Variants in COL4A6 observed in about 807,000 individuals in gnomAD.
COL4A6 encodes the protein collagen type IV alpha 6 chain, also known as collagen alpha-6(IV) chain.
Under a neutral mutation model 126.7 loss-of-function variants are expected in COL4A6, and 59 were observed. That is an observed-to-expected ratio of 0.47 (90% CI 0.38 to 0.58). The LOEUF is 0.58. Among genes scored for constraint, COL4A6 ranks in the 20% least tolerant of loss-of-function variants. The probability of loss-of-function intolerance (pLI) is 0.00; values close to 1 mark genes in which losing one functional copy is unlikely to be tolerated. For synonymous variants in COL4A6, 547 were observed against 496.6 expected, an observed-to-expected ratio of 1.10 and a Z score of -1.35; for missense variants, 1,285 against 1,337.3, an observed-to-expected ratio of 0.96 and a Z score of 0.61.
intron 3 of COL4A6, among the ~76,000 whole-genome samples, chrX:108,299,352 G>A (rs2038421515): frequency 9.0e-6 from 1 of 111,391 alleles, no homozygotes; most frequent in Non-Finnish European, 1.9e-5. Flanking sequence ...AAAGCAAAGG[G>A]GCCCTGTCTG....
chrX:108,383,904 C>G, intron 2 of COL4A6: 1 of 572,742 alleles, frequency 1.7e-6, no homozygotes, highest in East Asian at 3.6e-5. Flanking sequence ...AAGTTAAGTT[C>G]CTCTGGAACA....
At chrX:108,401,911 T>C (rs1178577284) in intron 2 of COL4A6, among the ~76,000 whole-genome samples, 2 of 111,433 alleles carry the variant, frequency 1.8e-5, no homozygotes, top group Non-Finnish European at 3.8e-5. Flanking sequence ...GTAATTTGAA[T>C]TTATGCATGT....
rs755228966 is a variant in COL4A6 at position 108,298,356 on chromosome X, C to T, written c.144+12392G>A. On this transcript the variant is annotated intron_variant, in intron 3 of 44. Transcript: ENST00000334504. The stretch of plus-strand genomic sequence containing the variant: ...CTGGCCGTGGCCTGGCTTGGTGGGG[C>T]GGCGGGTCAGACAGGGCATTGTCCA... Among the ~76,000 whole-genome samples the T allele has an allele frequency of 4.4e-5, 5 of 112,679 alleles. No homozygotes were observed. The East Asian group carries it at 1.4e-3, about 32-fold the overall frequency.
At chrX:108,407,880 C>T (rs1224096619) in intron 2 of COL4A6, among the ~76,000 whole-genome samples, 1 of 111,894 alleles carries the variant, frequency 8.9e-6, no homozygotes, top group Non-Finnish European at 1.9e-5. Flanking sequence ...TTACTGATTG[C>T]TTATGTGCCA....
intron 5 of COL4A6, 112 bp from the exon 6 acceptor site, chrX:108,214,340 C>A: frequency 2.0e-6 from 1 of 507,117 alleles, no homozygotes; most frequent in Non-Finnish European, 3.4e-6. Flanking sequence ...TCCTTGTTCA[C>A]TCCCTTAGCC....
intron 2 of COL4A6, among the ~76,000 whole-genome samples, chrX:108,392,331 A>G (rs113026541): frequency 1.2e-3 from 135 of 111,251 alleles, no homozygotes; most frequent in African/African-American, 4.0e-3. Flanking sequence ...GATAACCCAC[A>G]CAATGGGAAA....
At chrX:108,352,079 C>A (rs1401228814) in intron 2 of COL4A6, among the ~76,000 whole-genome samples, 3 of 112,845 alleles carry the variant, frequency 2.7e-5, no homozygotes, top group African/African-American at 9.6e-5. Flanking sequence ...ACTCTGCCTG[C>A]GGCCTTTTCT....
Position 108,249,940 on chromosome X carries a change from A to T in COL4A6, c.145-28566T>A, listed in dbSNP as rs543332340. ...CATTGCAAAGTTCAAGGTAGGTTGC[A>T]GTGAAGTGACATGAGGGACACGGAG... On this transcript the variant is annotated intron_variant, in intron 3 of 44. Coordinates refer to ENST00000334504, the MANE Select transcript of COL4A6 (RefSeq NM_033641.4). 4.5e-5 allele frequency among the ~76,000 whole-genome samples: 5 copies of T among 111,877 alleles called. No individual in the cohort carries two copies. The East Asian group carries it at 1.1e-3, about 25-fold the overall frequency.
In COL4A6 at chrX:108,384,311, T is replaced by G. The variant is rs762808174; in HGVS notation, c.63+53631A>C. Among the ~76,000 whole-genome samples, 3 of 111,963 alleles carry G rather than the reference T, an allele frequency of 2.7e-5. No individual in the cohort carries two copies. The Admixed American group carries it at 2.8e-4, about 11-fold the overall frequency. On this transcript the variant is annotated intron_variant, in intron 2 of 44. Transcript: ENST00000334504. ...TCCAGCTATTCATCTTAACTCTCCA[T>G]CCATCCATCTGATTTACTGTGAAAA...
intron 13 of COL4A6, among the ~76,000 whole-genome samples, chrX:108,202,456 A>G (rs1270213442): frequency 8.9e-6 from 1 of 112,084 alleles, no homozygotes; most frequent in African/African-American, 3.2e-5. Flanking sequence ...CTAAGCTAGA[A>G]AGGCAGATAT....
intron 15 of COL4A6, 170 bp from the exon 16 acceptor site, chrX:108,194,757 C>T: frequency 2.1e-6 from 1 of 480,278 alleles, no homozygotes; most frequent in Non-Finnish European, 3.5e-6. Flanking sequence ...GACAATACGG[C>T]AGTAGGTAGC....
At chrX:108,235,398 A>G (rs759130549) in intron 3 of COL4A6, among the ~76,000 whole-genome samples, 1 of 111,670 alleles carries the variant, frequency 9.0e-6, no homozygotes, top group Admixed American at 9.5e-5. Flanking sequence ...GTCAAGACAA[A>G]TCTGGAGTCA....
At chrX:108,382,962 A>AAATAATAATAATAATAAT (rs4035941) in intron 2 of COL4A6, among the ~76,000 whole-genome samples, 52 of 88,293 alleles carry the variant, frequency 5.9e-4, no homozygotes, top group South Asian at 1.8e-3. Context: ...CCCCCGCCAA[A>AAATAATAATAATAATAAT]AATAATAATA....
intron 2 of COL4A6, among the ~76,000 whole-genome samples, chrX:108,328,647 C>A (rs980536434): frequency 1.8e-5 from 2 of 111,809 alleles, no homozygotes; most frequent in Non-Finnish European, 3.8e-5. Flanking sequence ...CCATTATGAA[C>A]AACAGTATGG....
At chrX:108,403,474 T>C (rs1286765503) in intron 2 of COL4A6, among the ~76,000 whole-genome samples, 4 of 111,066 alleles carry the variant, frequency 3.6e-5, no homozygotes, top group Non-Finnish European at 5.7e-5. Context: ...ATTTTTTTAA[T>C]ATTGCTACTC....
At chrX:108,394,966 T>C (rs1482036924) in intron 2 of COL4A6, among the ~76,000 whole-genome samples, 3 of 111,145 alleles carry the variant, frequency 2.7e-5, no homozygotes, top group Non-Finnish European at 5.7e-5. Flanking sequence ...TTTCATTGAA[T>C]GTATATTATT....
At chrX:108,292,512 G>C (rs754419224) in intron 3 of COL4A6, among the ~76,000 whole-genome samples, 1 of 111,607 alleles carries the variant, frequency 9.0e-6, no homozygotes, top group South Asian at 3.8e-4. Context: ...ATCTTCTCCC[G>C]CTTGTTGCAT....
At chrX:108,280,988 C>T (rs1262290679) in intron 3 of COL4A6, among the ~76,000 whole-genome samples, 1 of 110,015 alleles carries the variant, frequency 9.1e-6, no homozygotes, top group Non-Finnish European at 1.9e-5. Flanking sequence ...GTTGATTGGA[C>T]GTATCTCAAA....
intron 2 of COL4A6, among the ~76,000 whole-genome samples, chrX:108,347,298 G>T (rs963505593): frequency 8.9e-6 from 1 of 112,368 alleles, no homozygotes; most frequent in African/African-American, 3.2e-5. Flanking sequence ...ACATGAGGAG[G>T]ATGTGCACCT....
Sources: gnomAD v4.1 joint callset for allele counts (sites outside exome capture counted in the v4.1 genomes callset) on GRCh38, gnomAD v4.1.1 for gene constraint, MANE v1.5 for transcripts, NCBI Gene and HGNC (gene_info 2026-07-23, HGNC 2026-07-21) for gene names.